The following NID1 variants were observed in gnomAD, a reference collection of about 807,000 sequenced individuals.
The protein encoded by NID1 is nidogen 1, also known as nidogen-1.
In NID1, 76 loss-of-function variants were observed where a neutral mutation model predicts 130.6. That is an observed-to-expected ratio of 0.58 (90% CI 0.48 to 0.70). NID1 has a LOEUF of 0.70. Among genes scored for constraint, NID1 ranks in the 30% least tolerant of loss-of-function variants. The pLI is 0.00. For synonymous variants in NID1, 665 were observed against 675.1 expected (o/e 0.98, Z 0.23); for missense variants, 1,517 against 1,664.8 (o/e 0.91, Z 1.54).
intron 14 of NID1, among the ~76,000 whole-genome samples, chr1:235,988,593 G>C (rs770327264): frequency 1.5e-4 from 23 of 152,170 alleles, no homozygotes; most frequent in Admixed American, 3.3e-4. Context: ...GTTCATAGCA[G>C]CATTATTTGC....
At chr1:236,026,594 T>C (rs774039521) in intron 7 of NID1, among the ~76,000 whole-genome samples, 4 of 152,150 alleles carry the variant, frequency 2.6e-5, no homozygotes, top group Non-Finnish European at 4.4e-5. Flanking sequence ...GACCAGGTAA[T>C]GTATGTGCAA....
At chr1:236,039,872 C>T (rs1659397073) in intron 4 of NID1, among the ~76,000 whole-genome samples, 1 of 152,142 alleles carries the variant, frequency 6.6e-6, no homozygotes, top group Non-Finnish European at 1.5e-5. Context: ...GCAGAGCTCT[C>T]AGGGGTCATT....
intron 1 of NID1, among the ~76,000 whole-genome samples, chr1:236,051,292 TC>T (rs1659758682): frequency 1.6e-5 from 1 of 63,122 alleles, no homozygotes; most frequent in Non-Finnish European, 3.2e-5. Context: ...CTCCTCCTCC[TC>T]CCAGAGTCTT....
intron 11 of NID1, among the ~76,000 whole-genome samples, chr1:236,013,164 G>A (rs926575884): frequency 6.6e-6 from 1 of 152,188 alleles, no homozygotes; most frequent in Non-Finnish European, 1.5e-5. Flanking sequence ...CAGAGAGCAG[G>A]TGTCTAATTG....
intron 7 of NID1, among the ~76,000 whole-genome samples, chr1:236,028,161 T>A (rs1658993106): frequency 6.6e-6 from 1 of 152,140 alleles, no homozygotes; most frequent in Non-Finnish European, 1.5e-5. Context: ...TGGTTTGAAT[T>A]AATAGCCATC....
At position 236,032,667 on chromosome 1, in the gene NID1, A is replaced by G. The variant is rs1472562215; in HGVS notation, c.1286-15T>C. On this transcript the variant is annotated splice_polypyrimidine_tract_variant and intron_variant, in intron 5 of 19. Coordinates refer to ENST00000264187, the MANE Select transcript of NID1 (RefSeq NM_002508.3). ...CTGGGGGGAACCTGAGCAAGAAAAC[A>G]AAGAAAGAATATAGAGATCACTTCC... The G allele has an allele frequency of 1.2e-6, 2 of 1,613,654 alleles. No individual in the cohort carries two copies. Among genetic ancestry groups the G allele is most frequent in the Admixed American group, 1.7e-5 (1 of 59,936 alleles).
intron 19 of NID1, 123 bp downstream of exon 19, chr1:235,978,872 G>T: frequency 1.5e-6 from 1 of 666,656 alleles, no homozygotes; most frequent in South Asian, 1.8e-5. Context: ...TGGATGCAAA[G>T]GACTGGATCT....
chr1:236,019,386 C>T (rs1057111779), intron 9 of NID1, among the ~76,000 whole-genome samples: 9 of 152,212 alleles, frequency 5.9e-5, no homozygotes, highest in Middle Eastern at 3.2e-3. Context: ...TGCCAAAGCA[C>T]GAGAGCACAG....
At position 236,032,607 on chromosome 1, in the gene NID1, A is replaced by T. The variant is rs1374213545; in HGVS notation, c.1331T>A (p.Val444Glu). 6.2e-7 allele frequency: 1 copy of T among 1,614,200 alleles called. No individual in the cohort carries two copies. Residue 444 changes from valine to glutamate, a missense_variant, in exon 6 of 20, where the codon GTG becomes GAG. By Grantham distance (121) the Val-to-Glu change is moderately radical. This residue lies in a region of NID1 where 1,329 missense variants were observed against 1,429.2 expected (regional missense o/e 0.93). Coordinates refer to ENST00000264187, the MANE Select transcript of NID1 (RefSeq NM_002508.3). ...GACAATGGGGACCTGGCTGCTCCCC[A>T]CAAAGATCCTTCCTTTCACCTTGCC... ...VNGKVKGRIF[V>E]GSSQVPIVFE...
intron 9 of NID1, among the ~76,000 whole-genome samples, chr1:236,021,100 T>G (rs1002530550): frequency 6.6e-6 from 1 of 152,166 alleles, no homozygotes; most frequent in Non-Finnish European, 1.5e-5. Flanking sequence ...GAAGCAGAGC[T>G]GTGTAATGAG....
chr1:235,987,788 T>C (rs771945266), intron 14 of NID1, among the ~76,000 whole-genome samples: 12 of 152,212 alleles, frequency 7.9e-5, no homozygotes, highest in African/African-American at 1.2e-4. Context: ...TGGACCAGGA[T>C]GATCTTTTAC....
In NID1 at chr1:235,976,242, AAGTC is replaced by A. The variant is rs1657244287; in HGVS notation, c.*1621_*1624del. On this transcript the variant is annotated 3_prime_UTR_variant, in exon 20 of 20. Coordinates refer to ENST00000264187, the MANE Select transcript of NID1 (RefSeq NM_002508.3). ...TGTACTGCAGAAGCAAGTGAGGACA[AAGTC>A]AGGAGAAGGTGGGGCAGAGAGGCTG... 6.6e-6 allele frequency: 1 copy of A among 152,224 alleles called. No individual in the cohort carries two copies. The highest frequency in any genetic ancestry group is 2.1e-4 in the South Asian group (1 of 4,828). The allele number at this position is 152,224 out of a possible 1,614,324, so 9.4% of individuals were successfully genotyped here. A position where few individuals can be genotyped will look rare whatever the true frequency, so the allele number is the denominator to read the frequency against.
intron 3 of NID1, among the ~76,000 whole-genome samples, 179 bp from the exon 4 acceptor site, chr1:236,042,471 A>G (rs920746900): frequency 6.6e-6 from 1 of 152,152 alleles, no homozygotes; most frequent in African/African-American, 2.4e-5. Context: ...GAGGCAGTCT[A>G]GGGCTGTCTG....
At chr1:236,058,934 A>G (rs1659969676) in intron 1 of NID1, among the ~76,000 whole-genome samples, 1 of 152,234 alleles carries the variant, frequency 6.6e-6, no homozygotes, top group South Asian at 2.1e-4. Flanking sequence ...ATAATTTAAC[A>G]TAAAGAGTGG....
intron 14 of NID1, 104 bp from the exon 15 acceptor site, chr1:235,985,609 G>T: frequency 7.5e-7 from 1 of 1,340,382 alleles, no homozygotes; most frequent in Non-Finnish European, 1.0e-6. Context: ...GTAATGAAGT[G>T]TCAAGTGTTT....
At position 236,029,609 on chromosome 1, in the gene NID1, G is replaced by C. The variant is rs774575082; in HGVS notation, c.1679C>G (p.Pro560Arg). Reference sequence around the variant, plus strand: ...CTCAATGTGCACGGAGGAGCCGAACGGAATCTGCGGCACGCGGCCCTCCAG... The same window carrying C: ...CTCAATGTGCACGGAGGAGCCGAACCGAATCTGCGGCACGCGGCCCTCCAG... ...TELEGRVPQI[P>R]FGSSVHIEPY... Residue 560 changes from proline (P) to arginine (R), a missense_variant, in exon 7 of 20, where the codon CCG (proline) becomes CGG (arginine). Transcript: ENST00000264187. The C allele has an allele frequency of 6.2e-7, 1 of 1,601,390 alleles. No individual in the cohort carries two copies. Among genetic ancestry groups the C allele is most frequent in the Non-Finnish European group, 8.5e-7 (1 of 1,174,296 alleles).
At chr1:235,985,633 AT>A in intron 14 of NID1, 128 bp from the exon 15 acceptor site, 1 of 1,099,864 alleles carries the variant, frequency 9.1e-7, no homozygotes, top group Non-Finnish European at 1.3e-6. Flanking sequence ...TCATTTAAAA[AT>A]TTTTATTATT....
intron 12 of NID1, among the ~76,000 whole-genome samples, chr1:236,001,939 A>G (rs1159264475): frequency 6.6e-6 from 1 of 152,238 alleles, no homozygotes; most frequent in Non-Finnish European, 1.5e-5. Context: ...AAATCACTGT[A>G]GTCATCATAC....
chr1:235,989,539 C>T (rs946087785), intron 14 of NID1, among the ~76,000 whole-genome samples: 3 of 152,206 alleles, frequency 2.0e-5, no homozygotes, highest in Non-Finnish European at 4.4e-5. Flanking sequence ...CCACATGAAA[C>T]CAATACCTCC....
Sources: gnomAD v4.1 joint callset for allele counts (sites outside exome capture counted in the v4.1 genomes callset) on GRCh38, gnomAD v4.1.1 for gene constraint, gnomAD v4.1.1 regional missense constraint, MANE v1.5 for transcripts, NCBI Gene and HGNC (gene_info 2026-07-23, HGNC 2026-07-21) for gene names.